The following DOCK1 variants were observed in gnomAD, a reference collection of about 807,000 sequenced individuals.
DOCK1 encodes dedicator of cytokinesis protein 1.
DOCK1 carries 138 observed loss-of-function variants against 262.7 expected under a neutral mutation model. The ratio of observed to expected loss-of-function variants is 0.53; its 90% CI spans 0.46 to 0.61. The LOEUF (loss-of-function observed/expected upper bound fraction) is 0.61, where lower values mean the gene tolerates loss of function less well. Ranked by LOEUF, DOCK1 falls within the 20% of genes least tolerant of loss-of-function variation. The pLI is 0.00. For missense variants in DOCK1, 1,908 were observed against 2,370.7 expected (o/e 0.80, Z 4.05); for synonymous variants, 866 against 867.4 (o/e 1.00, Z 0.03).
intron 47 of DOCK1, 93 bp downstream of exon 47, chr10:127,426,104 C>T: frequency 6.4e-7 from 1 of 1,572,236 alleles, no homozygotes; most frequent in Non-Finnish European, 8.7e-7. Flanking sequence ...GAGGAACTCA[C>T]ATGTACACAT....
intron 29 of DOCK1, among the ~76,000 whole-genome samples, chr10:127,274,643 G>A (rs987439267): frequency 6.6e-6 from 1 of 152,202 alleles, no homozygotes; most frequent in African/African-American, 2.4e-5. Context: ...AACAATCAAG[G>A]AAAAGTCTTA....
At chr10:127,431,752 G>T (rs957115928) in intron 47 of DOCK1, among the ~76,000 whole-genome samples, 2 of 152,182 alleles carry the variant, frequency 1.3e-5, no homozygotes, top group Admixed American at 6.5e-5. Context: ...ATTATCTGTG[G>T]CTGCTTTTGT....
chr10:127,048,274 GTTTAT>G (rs776237026), intron 21 of DOCK1, among the ~76,000 whole-genome samples: 3 of 151,970 alleles, frequency 2.0e-5, no homozygotes, highest in Admixed American at 6.6e-5. Flanking sequence ...CTGAGTACCT[GTTTAT>G]TTTATTTTGA....
chr10:127,339,712 T>TGC (rs2063347298), intron 30 of DOCK1, among the ~76,000 whole-genome samples: 1 of 64,770 alleles, frequency 1.5e-5, no homozygotes, highest in East Asian at 6.7e-4. Flanking sequence ...TGTGTGTGTG[T>TGC]GTGTGTGTGT....
intron 6 of DOCK1, among the ~76,000 whole-genome samples, chr10:126,994,654 C>T (rs1190394665): frequency 1.3e-5 from 2 of 152,240 alleles, no homozygotes; most frequent in African/African-American, 4.8e-5. Context: ...CATAGATTAA[C>T]AGCATCCCAA....
At position 127,008,719 on chromosome 10, in the gene DOCK1, T is replaced by C. The variant is rs1391283453; in HGVS notation, c.986-13T>C. 6.3e-7 allele frequency: 1 copy of C among 1,577,966 alleles called. No homozygotes were observed. Among genetic ancestry groups the C allele is most frequent in the Non-Finnish European group, 8.6e-7 (1 of 1,159,750 alleles). On this transcript the variant is annotated splice_polypyrimidine_tract_variant and intron_variant, in intron 10 of 51. Transcript: ENST00000623213. ...TTAAGCCAAAACAATCTCTGTTCTC[T>C]TTTTGTCTCCAGTGATGGATGTAAC...
chr10:126,930,894 T>A (rs2034136487), intron 1 of DOCK1, among the ~76,000 whole-genome samples: 1 of 152,138 alleles, frequency 6.6e-6, no homozygotes, highest in Admixed American at 6.5e-5. Flanking sequence ...TCTGACAGTT[T>A]TGAGATGCTT....
At chr10:127,305,319 T>C (rs1391175356) in intron 29 of DOCK1, among the ~76,000 whole-genome samples, 5 of 152,190 alleles carry the variant, frequency 3.3e-5, no homozygotes, top group African/African-American at 1.2e-4. Flanking sequence ...TGCACTCTGA[T>C]GAGTCGGGCA....
intron 1 of DOCK1, among the ~76,000 whole-genome samples, chr10:126,952,870 A>ATTGTTGGTAGTGTTGGTGATG (rs1365758614): frequency 7.6e-6 from 1 of 130,840 alleles, no homozygotes; most frequent in African/African-American, 2.8e-5. Context: ...ATGTGGTAGT[A>ATTGTTGGTAGTGTTGGTGATG]TTGTTATTGT....
At chr10:126,941,795 C>G (rs1394579717) in intron 1 of DOCK1, among the ~76,000 whole-genome samples, 1 of 148,660 alleles carries the variant, frequency 6.7e-6, no homozygotes. Context: ...AAAAAAACAG[C>G]ATTTGTGGAT....
intron 25 of DOCK1, among the ~76,000 whole-genome samples, chr10:127,115,943 G>A (rs1279882341): frequency 6.6e-6 from 1 of 152,150 alleles, no homozygotes; most frequent in East Asian, 1.9e-4. Context: ...GGTTTTCTTT[G>A]GAGCTTACTG....
At chr10:127,032,778 A>G (rs1564748518) in intron 18 of DOCK1, among the ~76,000 whole-genome samples, 1 of 152,056 alleles carries the variant, frequency 6.6e-6, no homozygotes, top group Non-Finnish European at 1.5e-5. Context: ...GCTATTCCCA[A>G]ACTCCTGGGT....
intron 27 of DOCK1, among the ~76,000 whole-genome samples, chr10:127,165,053 A>C (rs1385356159): frequency 6.6e-6 from 1 of 152,238 alleles, no homozygotes; most frequent in Non-Finnish European, 1.5e-5. Flanking sequence ...AACTAGAATG[A>C]AAATAAGAAT....
chr10:127,385,231 A>AT (rs2066043908), intron 38 of DOCK1, among the ~76,000 whole-genome samples: 1 of 152,144 alleles, frequency 6.6e-6, no homozygotes, highest in Admixed American at 6.5e-5. Flanking sequence ...GACATCCTGC[A>AT]TTTTTCTGTT....
At chr10:127,340,959 GAA>G (rs1361055729) in intron 30 of DOCK1, among the ~76,000 whole-genome samples, 1 of 152,136 alleles carries the variant, frequency 6.6e-6, no homozygotes, top group Non-Finnish European at 1.5e-5. Flanking sequence ...TTTCTGTAGT[GAA>G]ATCTGTTATT....
At position 127,444,286 on chromosome 10, in the gene DOCK1, G is replaced by A. The variant is rs748030678; in HGVS notation, c.5413+7G>A. On this transcript the variant is annotated splice_region_variant and intron_variant, in intron 50 of 51. Coordinates refer to ENST00000623213, the MANE Select transcript of DOCK1 (RefSeq NM_001290223.2). Reference sequence around the variant, plus strand: ...AGCTTCAGCATGCAGTCGAGTAAGTGGAACGCTCCCCACATACGAATCGTG... The same window carrying A: ...AGCTTCAGCATGCAGTCGAGTAAGTAGAACGCTCCCCACATACGAATCGTG... 1.3e-6 allele frequency: 2 copies of A among 1,597,808 alleles called. No homozygotes were observed. Among genetic ancestry groups the A allele is most frequent in the African/African-American group, 2.7e-5 (2 of 73,890 alleles).
intron 22 of DOCK1, among the ~76,000 whole-genome samples, chr10:127,060,673 G>A (rs2045472211): frequency 6.6e-6 from 1 of 151,714 alleles, no homozygotes; most frequent in Non-Finnish European, 1.5e-5. Context: ...ATTTACAAAC[G>A]AGACTTATTT....
At chr10:127,420,270 G>A (rs928250892) in intron 46 of DOCK1, among the ~76,000 whole-genome samples, 5 of 152,128 alleles carry the variant, frequency 3.3e-5, no homozygotes, top group African/African-American at 9.7e-5. Context: ...CTGGGGCCTC[G>A]GGAGCCTTTC....
intron 39 of DOCK1, among the ~76,000 whole-genome samples, chr10:127,403,689 G>A (rs2067352867): frequency 6.6e-6 from 1 of 152,196 alleles, no homozygotes. Context: ...AACCCAGGAG[G>A]TGGAAGTTGC....
Sources: allele counts gnomAD v4.1 joint callset (sites outside exome capture counted in the v4.1 genomes callset), GRCh38; gene constraint gnomAD v4.1.1; transcripts MANE v1.5; gene names NCBI Gene and HGNC (gene_info 2026-07-23, HGNC 2026-07-21).